Variants in CACNA1E observed in about 807,000 individuals in gnomAD.
CACNA1E encodes voltage-dependent R-type calcium channel subunit alpha-1E.
CACNA1E carries 40 observed loss-of-function variants against 259.2 expected under a neutral mutation model. The ratio of observed to expected loss-of-function variants is 0.15; its 90% CI spans 0.12 to 0.20. The LOEUF is 0.20. Among genes scored for constraint, CACNA1E ranks in the 10% least tolerant of loss-of-function variants. The probability of loss-of-function intolerance (pLI) is 1.00; values close to 1 mark genes in which losing one functional copy is unlikely to be tolerated. For synonymous variants in CACNA1E, 1,104 were observed against 1,138.5 expected, an observed-to-expected ratio of 0.97 and a Z score of 0.61; for missense variants, 1,874 against 3,040.1, an observed-to-expected ratio of 0.62 and a Z score of 9.02.
intron 1 of CACNA1E, among the ~76,000 whole-genome samples, chr1:181,337,287 C>G (rs1651788312): frequency 6.6e-6 from 1 of 151,768 alleles, no homozygotes; most frequent in South Asian, 2.1e-4. Context: ...TCCCGAGTAG[C>G]TGGGCCTACA....
intron 1 of CACNA1E, among the ~76,000 whole-genome samples, chr1:181,375,729 C>T (rs1455277233): frequency 6.6e-6 from 1 of 152,086 alleles, no homozygotes; most frequent in Non-Finnish European, 1.5e-5. Flanking sequence ...AGCAATGGAG[C>T]CCCCCTTCCC....
chr1:181,507,149 G>C (rs1665780851), intron 1 of CACNA1E, among the ~76,000 whole-genome samples: 1 of 152,208 alleles, frequency 6.6e-6, no homozygotes, highest in Non-Finnish European at 1.5e-5. Flanking sequence ...AGTGAGAATA[G>C]GGTCTTCTTA....
At chr1:181,740,859 A>C (rs1434521232) in intron 25 of CACNA1E, among the ~76,000 whole-genome samples, 9 of 152,172 alleles carry the variant, frequency 5.9e-5, no homozygotes, top group African/African-American at 2.2e-4. Context: ...TTTCTCAAGC[A>C]TCTGGGCCCT....
intron 6 of CACNA1E, among the ~76,000 whole-genome samples, chr1:181,609,365 T>C (rs1654534609): frequency 6.6e-6 from 1 of 152,124 alleles, no homozygotes; most frequent in South Asian, 2.1e-4. Context: ...CCTCTTGCTT[T>C]GAGAGGGAGA....
intron 7 of CACNA1E, among the ~76,000 whole-genome samples, chr1:181,700,421 G>A (rs1272611262): frequency 6.6e-6 from 1 of 152,138 alleles, no homozygotes; most frequent in East Asian, 1.9e-4. Flanking sequence ...CGTAGTGTGT[G>A]GTGCACTTAT....
intron 25 of CACNA1E, among the ~76,000 whole-genome samples, chr1:181,749,272 C>T (rs1488542480): frequency 6.6e-6 from 1 of 152,188 alleles, no homozygotes; most frequent in Non-Finnish European, 1.5e-5. Context: ...AGCACTTCTT[C>T]TTAGCAGCAG....
At chr1:181,713,825 G>A (rs112126613) in intron 8 of CACNA1E, among the ~76,000 whole-genome samples, 2,253 of 152,252 alleles carry the variant, frequency 0.015, 46 homozygotes, top group African/African-American at 0.048. Context: ...GATGCACTTG[G>A]AGGGATGCTA....
chr1:181,712,696 G>A (rs1161129161), intron 8 of CACNA1E, among the ~76,000 whole-genome samples: 1 of 152,084 alleles, frequency 6.6e-6, no homozygotes, highest in Non-Finnish European at 1.5e-5. Flanking sequence ...CCGCTTCCCA[G>A]AATGGTAACT....
intron 3 of CACNA1E, among the ~76,000 whole-genome samples, chr1:181,557,255 A>G (rs1287298666): frequency 6.6e-6 from 1 of 152,192 alleles, no homozygotes; most frequent in Non-Finnish European, 1.5e-5. Flanking sequence ...TTGGAAGGGC[A>G]TGGGGAGGAG....
chr1:181,533,677 T>G (rs1181566238), intron 3 of CACNA1E, among the ~76,000 whole-genome samples: 1 of 152,118 alleles, frequency 6.6e-6, no homozygotes, highest in East Asian at 1.9e-4. Context: ...TGGGGAAAAT[T>G]AACATTTTCA....
At position 181,533,691 on chromosome 1, in the gene CACNA1E, TG is replaced by T. The variant is rs553094608; in HGVS notation, c.512+22182del. On this transcript the variant is annotated intron_variant, in intron 3 of 47. Transcript: ENST00000367573. ...TTGGGGAAAATTAACATTTTCACAATGTTGAATCTTACCAATATTTCTCCAC... is the reference window on the plus strand; with the variant it reads ...TTGGGGAAAATTAACATTTTCACAATTTGAATCTTACCAATATTTCTCCAC... Among the ~76,000 whole-genome samples, 80 of 152,236 alleles carry T rather than the reference TG, an allele frequency of 5.3e-4. 1 individual carries two copies. Among genetic ancestry groups the T allele is most frequent in the African/African-American group, 1.9e-3 (78 of 41,560 alleles).
chr1:181,496,129 A>C (rs1485484368), intron 1 of CACNA1E, among the ~76,000 whole-genome samples: 1 of 152,216 alleles, frequency 6.6e-6, no homozygotes, highest in African/African-American at 2.4e-5. Flanking sequence ...TTACACTTTT[A>C]AAAATAAAAT....
At chr1:181,788,949 C>T (rs73045165) in intron 43 of CACNA1E, among the ~76,000 whole-genome samples, 2,402 of 152,264 alleles carry the variant, frequency 0.016, 52 homozygotes, top group African/African-American at 0.051. Context: ...ACTTTAGCCT[C>T]GACTTTCTAG....
At chr1:181,385,023 C>G (rs994040596) in intron 1 of CACNA1E, among the ~76,000 whole-genome samples, 3 of 152,156 alleles carry the variant, frequency 2.0e-5, no homozygotes, top group African/African-American at 7.2e-5. Context: ...TAGATTTTGC[C>G]CTGATGTCTC....
chr1:181,452,676 T>C (rs1254856734), intron 2 of CACNA1E, among the ~76,000 whole-genome samples: 3 of 152,254 alleles, frequency 2.0e-5, no homozygotes, highest in Non-Finnish European at 4.4e-5. Flanking sequence ...TCTTCAAGGC[T>C]ATCTCTAGGT....
At chr1:181,406,604 G>A (rs983497520) in intron 1 of CACNA1E, among the ~76,000 whole-genome samples, 2 of 151,944 alleles carry the variant, frequency 1.3e-5, no homozygotes, top group African/African-American at 4.8e-5. Context: ...CACCATCTTG[G>A]CCAGGCTGGT....
At chr1:181,650,854 C>T (rs911553243) in intron 6 of CACNA1E, among the ~76,000 whole-genome samples, 3 of 152,172 alleles carry the variant, frequency 2.0e-5, no homozygotes, top group Non-Finnish European at 4.4e-5. Context: ...GCAAGCTGAG[C>T]GTGGGTCAAG....
At chr1:181,700,078 A>G (rs963681938) in intron 7 of CACNA1E, among the ~76,000 whole-genome samples, 1 of 152,128 alleles carries the variant, frequency 6.6e-6, no homozygotes, top group African/African-American at 2.4e-5. Flanking sequence ...TGGAGGGAGA[A>G]TGTTTTAGAA....
Position 181,718,611 on chromosome 1 carries a change from A to AACACACAC in CACNA1E, c.1638+493_1638+500dup, listed in dbSNP as rs60522141. Among the ~76,000 whole-genome samples the AACACACAC allele has an allele frequency of 6.7e-3, 836 of 124,304 alleles. 7 individuals carry two copies. Among genetic ancestry groups the AACACACAC allele is most frequent in the Middle Eastern group, 0.012 (3 of 250 alleles). 81.5% of individuals were successfully genotyped at this position (124,304 alleles called of 152,430 possible). A position where few individuals can be genotyped will look rare whatever the true frequency, so the allele number is the denominator to read the frequency against. ...AATTATCTAGATAGACCCTCATTCA[A>AACACACAC]ACACACACACACACACACACACACA... On this transcript the variant is annotated intron_variant, in intron 12 of 47. Coordinates refer to ENST00000367573, the MANE Select transcript of CACNA1E (RefSeq NM_001205293.3).
Sources: allele counts gnomAD v4.1 joint callset (sites outside exome capture counted in the v4.1 genomes callset), GRCh38; gene constraint gnomAD v4.1.1; transcripts MANE v1.5; gene names NCBI Gene and HGNC (gene_info 2026-07-23, HGNC 2026-07-21).